Variants in RAPGEF2 observed in about 807,000 individuals in gnomAD.
The protein encoded by RAPGEF2 is Rap guanine nucleotide exchange factor 2.
RAPGEF2 carries 54 observed loss-of-function variants against 186.7 expected under a neutral mutation model. The observed-to-expected ratio is 0.29, with a 90% CI of 0.23 to 0.36. The LOEUF is 0.36. Among genes scored for constraint, RAPGEF2 ranks in the 10% least tolerant of loss-of-function variants. The probability of loss-of-function intolerance (pLI) is 1.00; values close to 1 mark genes in which losing one functional copy is unlikely to be tolerated. For missense variants in RAPGEF2, 1,532 were observed against 2,045.0 expected, an observed-to-expected ratio of 0.75 and a Z score of 4.84; for synonymous variants, 712 against 705.9, an observed-to-expected ratio of 1.01 and a Z score of -0.14.
chr4:159,200,885 A>C (rs1025738063), intron 3 of RAPGEF2, among the ~76,000 whole-genome samples: 1 of 152,112 alleles, frequency 6.6e-6, no homozygotes. Context: ...TATTGTGGGA[A>C]TTTATATATA....
chr4:159,305,540 G>A (rs1012128438), intron 8 of RAPGEF2, among the ~76,000 whole-genome samples: 1 of 151,852 alleles, frequency 6.6e-6, no homozygotes, highest in Non-Finnish European at 1.5e-5. Context: ...ATTTTTTGCT[G>A]TTGTTGTTAT....
intron 20 of RAPGEF2, among the ~76,000 whole-genome samples, chr4:159,342,680 G>T (rs1729723762): frequency 6.6e-6 from 1 of 150,970 alleles, no homozygotes; most frequent in Non-Finnish European, 1.5e-5. Flanking sequence ...GCACTGCTAT[G>T]TGTACATACT....
chr4:159,241,903 AT>A (rs1381933236), intron 6 of RAPGEF2, among the ~76,000 whole-genome samples: 1 of 152,040 alleles, frequency 6.6e-6, no homozygotes, highest in East Asian at 1.9e-4. Flanking sequence ...TATCTCTGAG[AT>A]TTATTTTTTA....
At chr4:159,342,626 G>A (rs1246269071) in intron 20 of RAPGEF2, among the ~76,000 whole-genome samples, 1 of 86,708 alleles carries the variant, frequency 1.2e-5, no homozygotes, top group Non-Finnish European at 2.6e-5. Flanking sequence ...ATTACTAGAG[G>A]ATATTTGCTC....
Position 159,323,581 on chromosome 4 carries a change from G to A in RAPGEF2, c.1113G>A (p.Met371Ile). Residue 371 changes from methionine (M) to isoleucine (I), a missense_variant, in exon 11 of 30, where the codon ATG becomes ATA. Physicochemically the swap from Met to Ile is conservative, Grantham distance 10 (BLOSUM62 1). This residue lies in a region of RAPGEF2 where 810 missense variants were observed against 1,210.5 expected (regional missense o/e 0.67). Coordinates refer to ENST00000691494, the MANE Select transcript of RAPGEF2 (RefSeq NM_001394067.2). ...GVSPTMDKEYMKGVMRTKVDD... is the reference protein window; with the variant it reads ...GVSPTMDKEYIKGVMRTKVDD... ...CTCCTACCATGGACAAAGAATACAT[G>A]AAAGGAGTGATGAGAACAAAGGTGG... The A allele has an allele frequency of 6.2e-7, 1 of 1,609,514 alleles. No homozygotes were observed. Among genetic ancestry groups the A allele is most frequent in the Non-Finnish European group, 8.5e-7 (1 of 1,177,506 alleles).
At chr4:159,184,919 A>G (rs1047450240) in intron 1 of RAPGEF2, among the ~76,000 whole-genome samples, 6 of 152,108 alleles carry the variant, frequency 3.9e-5, no homozygotes, top group African/African-American at 1.4e-4. Context: ...TAAATTTTGT[A>G]TAAGGAAGGG....
At chr4:159,151,753 T>G (rs575651600) in intron 1 of RAPGEF2, among the ~76,000 whole-genome samples, 1 of 152,174 alleles carries the variant, frequency 6.6e-6, no homozygotes, top group Non-Finnish European at 1.5e-5. Flanking sequence ...TTTGTGTAAG[T>G]GTGTGTTTGT....
chr4:159,250,473 A>G (rs1654203636), intron 7 of RAPGEF2, among the ~76,000 whole-genome samples: 1 of 152,160 alleles, frequency 6.6e-6, no homozygotes, highest in African/African-American at 2.4e-5. Flanking sequence ...GAGTAATTAC[A>G]AAGGGAAATA....
At chr4:159,245,885 G>A (rs968429709) in intron 7 of RAPGEF2, among the ~76,000 whole-genome samples, 2 of 152,060 alleles carry the variant, frequency 1.3e-5, no homozygotes, top group Non-Finnish European at 2.9e-5. Flanking sequence ...TGTCCCAACT[G>A]ACATTTCATA....
chr4:159,214,325 G>A (rs530499034), intron 4 of RAPGEF2, among the ~76,000 whole-genome samples: 20 of 152,260 alleles, frequency 1.3e-4, no homozygotes, highest in Non-Finnish European at 1.6e-4. Flanking sequence ...AGGGTAGTAA[G>A]AAGAAGGAGT....
intron 7 of RAPGEF2, among the ~76,000 whole-genome samples, chr4:159,277,919 C>T (rs906201391): frequency 5.9e-5 from 9 of 152,060 alleles, no homozygotes; most frequent in Admixed American, 1.3e-4. Context: ...TGCAGAAGCT[C>T]GTTAGTTTAA....
intron 1 of RAPGEF2, among the ~76,000 whole-genome samples, chr4:159,146,361 CTTTTTTTTT>C (rs75242947): frequency 7.3e-6 from 1 of 137,868 alleles, no homozygotes. Context: ...AAGCTTTTTT[CTTTTTTTTT>C]TTTTCTTTTG....
At chr4:159,293,865 A>AG (rs1761565073) in intron 7 of RAPGEF2, among the ~76,000 whole-genome samples, 2 of 152,352 alleles carry the variant, frequency 1.3e-5, no homozygotes, top group South Asian at 4.1e-4. Context: ...TTTAATGGAA[A>AG]GGGAAAGATC....
chr4:159,268,153 A>T, intron 7 of RAPGEF2: 1 of 1,613,104 alleles, frequency 6.2e-7, no homozygotes, highest in Non-Finnish European at 8.5e-7. Flanking sequence ...ATGTTTCTTC[A>T]TTATGAAACC....
At chr4:159,123,026 T>A (rs1428761461) in intron 1 of RAPGEF2, among the ~76,000 whole-genome samples, 1 of 97,350 alleles carries the variant, frequency 1.0e-5, no homozygotes, top group Admixed American at 1.2e-4. Flanking sequence ...TATTTTCTCT[T>A]CCTTATGATT....
chr4:159,129,055 GAAATCTGTCATCATTCTGTATTT>G (rs891944035), intron 1 of RAPGEF2, among the ~76,000 whole-genome samples: 1 of 150,822 alleles, frequency 6.6e-6, no homozygotes, highest in African/African-American at 2.4e-5. Context: ...TTTGATTATT[GAAATCTGTCATCATTCTGTATTT>G]AAATTTGAAT....
chr4:159,131,519 A>ATTGGTTTTTTTTTTTTTTTTT, intron 1 of RAPGEF2, among the ~76,000 whole-genome samples: 4 of 37,208 alleles, frequency 1.1e-4, no homozygotes, highest in Non-Finnish European at 1.5e-4. Flanking sequence ...ATTAATTGCT[A>ATTGGTTTTTTTTTTTTTTTTT]TTTTTTTTTT....
chr4:159,319,107 T>C (rs1288271399), intron 9 of RAPGEF2, among the ~76,000 whole-genome samples: 2 of 152,152 alleles, frequency 1.3e-5, no homozygotes, highest in Non-Finnish European at 2.9e-5. Context: ...TAAGCCCTTT[T>C]AAGTCTGTAT....
intron 8 of RAPGEF2, among the ~76,000 whole-genome samples, chr4:159,306,345 C>A (rs1334509779): frequency 6.6e-6 from 1 of 152,054 alleles, no homozygotes; most frequent in Non-Finnish European, 1.5e-5. Flanking sequence ...AGCTCTTTCA[C>A]CTCCTTGGTC....
Sources: allele counts gnomAD v4.1 joint callset (sites outside exome capture counted in the v4.1 genomes callset), GRCh38; gene constraint gnomAD v4.1.1; regional missense constraint gnomAD v4.1.1; transcripts MANE v1.5; gene names NCBI Gene and HGNC (gene_info 2026-07-23, HGNC 2026-07-21).